Variants in MAD1L1 observed in about 807,000 individuals in gnomAD.
MAD1L1 encodes the protein mitotic spindle assembly checkpoint protein MAD1.
A neutral mutation model predicts 96.9 loss-of-function variants in MAD1L1; 95 were observed. That is an observed-to-expected ratio of 0.98 (90% CI 0.83 to 1.16). The LOEUF is 1.16. MAD1L1 is among the 50% of genes most tolerant of loss of function. The probability of loss-of-function intolerance (pLI) is 0.00; values close to 1 mark genes in which losing one functional copy is unlikely to be tolerated. For synonymous variants in MAD1L1, 473 were observed against 396.6 expected, an observed-to-expected ratio of 1.19 and a Z score of -2.29; for missense variants, 1,007 against 954.4, an observed-to-expected ratio of 1.06 and a Z score of -0.73.
intron 18 of MAD1L1, chr7:1,847,494 C>A (rs575037415): frequency 2.1e-6 from 1 of 471,142 alleles, no homozygotes; most frequent in East Asian, 6.9e-5. Context: ...TGGGCGGCCA[C>A]TGCAGGGGAA....
chr7:1,882,334 T>C (rs1366228647), intron 18 of MAD1L1, among the ~76,000 whole-genome samples: 2 of 152,122 alleles, frequency 1.3e-5, no homozygotes, highest in Non-Finnish European at 2.9e-5. Flanking sequence ...TCAGCATGCG[T>C]TGAAAGCAAC....
chr7:2,024,988 T>C (rs999800043), intron 12 of MAD1L1, among the ~76,000 whole-genome samples: 2 of 152,188 alleles, frequency 1.3e-5, no homozygotes, highest in East Asian at 3.8e-4. Flanking sequence ...TCAAAATCCA[T>C]AGAAAGACAC....
chr7:2,085,603 A>C (rs139994585), intron 11 of MAD1L1, among the ~76,000 whole-genome samples: 2 of 152,216 alleles, frequency 1.3e-5, no homozygotes, highest in African/African-American at 4.8e-5. Context: ...CATACTGTTG[A>C]ATTGACTTGG....
chr7:2,082,789 G>A (rs531633800), intron 11 of MAD1L1, among the ~76,000 whole-genome samples: 7 of 152,334 alleles, frequency 4.6e-5, no homozygotes, highest in East Asian at 1.9e-4. Flanking sequence ...GATGGAGCCC[G>A]GCGCCTGCAC....
chr7:1,822,556 T>G (rs1782183133), intron 18 of MAD1L1, among the ~76,000 whole-genome samples: 1 of 151,384 alleles, frequency 6.6e-6, no homozygotes, highest in Non-Finnish European at 1.5e-5. Context: ...ACGTGCCAAG[T>G]AGCTGTAACT....
intron 12 of MAD1L1, among the ~76,000 whole-genome samples, chr7:2,043,612 C>T (rs1783789675): frequency 1.3e-5 from 2 of 152,330 alleles, no homozygotes; most frequent in African/African-American, 4.8e-5. Context: ...GCTACGGGTG[C>T]CCTGCAGAGT....
chr7:1,950,818 C>G (rs1779459726), intron 16 of MAD1L1, among the ~76,000 whole-genome samples: 2 of 152,338 alleles, frequency 1.3e-5, no homozygotes, highest in South Asian at 4.1e-4. Flanking sequence ...GCCCAGTGAG[C>G]ACCGCGGTGG....
intron 16 of MAD1L1, among the ~76,000 whole-genome samples, chr7:1,956,872 G>A (rs1198359166): frequency 3.9e-5 from 6 of 152,248 alleles, no homozygotes; most frequent in African/African-American, 1.4e-4. Context: ...TGGGGAAAGG[G>A]CTGGAAGCTG....
At chr7:2,009,577 G>A (rs1031666321) in intron 13 of MAD1L1, among the ~76,000 whole-genome samples, 2 of 152,184 alleles carry the variant, frequency 1.3e-5, no homozygotes, top group African/African-American at 2.4e-5. Flanking sequence ...CTGCCCCTGG[G>A]TGAGGCTGTA....
intron 11 of MAD1L1, among the ~76,000 whole-genome samples, chr7:2,120,395 G>A (rs1010628366): frequency 6.6e-6 from 1 of 152,248 alleles, no homozygotes; most frequent in Non-Finnish European, 1.5e-5. Context: ...ACCACCTTCT[G>A]AGAAAGCCTA....
chr7:1,874,045 T>C (rs1223865090), intron 18 of MAD1L1, among the ~76,000 whole-genome samples: 1 of 152,082 alleles, frequency 6.6e-6, no homozygotes, highest in Non-Finnish European at 1.5e-5. Context: ...CGGGCCTCTC[T>C]GAGCACCCCA....
At chr7:1,830,131 TCACGCCTGTAATC>T (rs1383309912) in intron 18 of MAD1L1, among the ~76,000 whole-genome samples, 5 of 152,214 alleles carry the variant, frequency 3.3e-5, no homozygotes, top group African/African-American at 1.2e-4. Context: ...GGCCGGTGGC[TCACGCCTGTAATC>T]CCAGCACTGT....
intron 18 of MAD1L1, among the ~76,000 whole-genome samples, chr7:1,841,362 A>G (rs964913451): frequency 2.6e-5 from 4 of 152,216 alleles, no homozygotes; most frequent in Non-Finnish European, 4.4e-5. Flanking sequence ...GAAACAGACG[A>G]GAAGTCATTC....
intron 12 of MAD1L1, among the ~76,000 whole-genome samples, chr7:2,031,976 T>C (rs1204815078): frequency 6.6e-6 from 1 of 152,234 alleles, no homozygotes; most frequent in Admixed American, 6.5e-5. Flanking sequence ...GGGAATTAGA[T>C]GGACTTGGTC....
intron 10 of MAD1L1, among the ~76,000 whole-genome samples, chr7:2,208,162 C>T (rs1792699727): frequency 6.6e-6 from 1 of 152,138 alleles, no homozygotes; most frequent in Non-Finnish European, 1.5e-5. Context: ...TATATGCATT[C>T]CTAATATTTC....
chr7:2,218,848 G>C (rs1291406836), intron 6 of MAD1L1, among the ~76,000 whole-genome samples: 1 of 151,806 alleles, frequency 6.6e-6, no homozygotes, highest in East Asian at 1.9e-4. Context: ...GCAGTGAGCC[G>C]AGATGGTGCC....
chr7:1,857,034 C>T (rs1381208702), intron 18 of MAD1L1, among the ~76,000 whole-genome samples: 3 of 152,164 alleles, frequency 2.0e-5, no homozygotes, highest in Non-Finnish European at 4.4e-5. Context: ...CAGCAGCACT[C>T]GGGTGAGGAC....
At chr7:2,165,314 C>A (rs936552387) in intron 10 of MAD1L1, among the ~76,000 whole-genome samples, 27 of 152,218 alleles carry the variant, frequency 1.8e-4, no homozygotes, top group African/African-American at 6.3e-4. Flanking sequence ...ACTGGGGGGA[C>A]CCCGGGAACT....
chr7:2,067,484 G>A (rs924643343), intron 12 of MAD1L1, among the ~76,000 whole-genome samples: 4 of 151,544 alleles, frequency 2.6e-5, no homozygotes, highest in Admixed American at 6.6e-5. Flanking sequence ...AAAGATCACC[G>A]AGCTAAGGTG....
Sources: gnomAD v4.1 joint callset for allele counts (sites outside exome capture counted in the v4.1 genomes callset) on GRCh38, gnomAD v4.1.1 for gene constraint, MANE v1.5 for transcripts, NCBI Gene and HGNC (gene_info 2026-07-23, HGNC 2026-07-21) for gene names.